MUSK: variants seen among roughly 807,000 people sequenced by gnomAD.
MUSK encodes the protein muscle, skeletal receptor tyrosine-protein kinase.
MUSK carries 55 observed loss-of-function variants against 88.7 expected under a neutral mutation model. That is an observed-to-expected ratio of 0.62 (90% confidence interval 0.50 to 0.78). The LOEUF is 0.78. Ranked by LOEUF, MUSK falls within the 30% of genes least tolerant of loss-of-function variation. MUSK has a pLI of 0.00. For missense variants in MUSK, 1,015 were observed against 1,074.3 expected (o/e 0.94, Z 0.77); for synonymous variants, 387 against 391.9 (o/e 0.99, Z 0.15).
chr9:110,753,859 G>GA (rs141006892), intron 7 of MUSK, among the ~76,000 whole-genome samples: 260 of 147,804 alleles, frequency 1.8e-3, no homozygotes, highest in African/African-American at 4.7e-3. Flanking sequence ...CACTACTACA[G>GA]AAAAAAAAAA....
At chr9:110,711,933 A>G (rs2076676674) in intron 5 of MUSK, among the ~76,000 whole-genome samples, 1 of 152,154 alleles carries the variant, frequency 6.6e-6, no homozygotes, top group African/African-American at 2.4e-5. Flanking sequence ...TAAATTGTAG[A>G]TAACTGGCAG....
intron 6 of MUSK, among the ~76,000 whole-genome samples, chr9:110,737,457 T>C (rs988878220): frequency 2.0e-5 from 3 of 152,084 alleles, no homozygotes; most frequent in Non-Finnish European, 4.4e-5. Flanking sequence ...TCTGAATACA[T>C]TGCTTTTTTG....
intron 6 of MUSK, among the ~76,000 whole-genome samples, chr9:110,738,387 T>G (rs1399477762): frequency 6.6e-6 from 1 of 152,164 alleles, no homozygotes; most frequent in East Asian, 1.9e-4. Context: ...TCTTTGTCAT[T>G]TAAAAATATT....
chr9:110,767,214 T>C (rs1210611307), intron 8 of MUSK, among the ~76,000 whole-genome samples: 1 of 152,230 alleles, frequency 6.6e-6, no homozygotes, highest in East Asian at 1.9e-4. Flanking sequence ...CTGAAGGTGC[T>C]ACTTGGCTCC....
At chr9:110,763,890 G>A (rs1341715447) in intron 8 of MUSK, among the ~76,000 whole-genome samples, 5 of 152,246 alleles carry the variant, frequency 3.3e-5, no homozygotes, top group East Asian at 1.9e-4. Context: ...TGATTCATGC[G>A]TTTCAAAGTA....
chr9:110,682,448 A>G (rs868515323), intron 1 of MUSK, among the ~76,000 whole-genome samples: 2 of 152,064 alleles, frequency 1.3e-5, no homozygotes, highest in South Asian at 2.1e-4. Flanking sequence ...CGTATATCAT[A>G]AACTCTAAGC....
At chr9:110,742,537 G>A (rs1197287414) in intron 6 of MUSK, among the ~76,000 whole-genome samples, 3 of 152,044 alleles carry the variant, frequency 2.0e-5, no homozygotes, top group Non-Finnish European at 4.4e-5. Flanking sequence ...TAAAGAAAAT[G>A]GAAAGGTATA....
At chr9:110,755,626 C>A (rs2077300625) in intron 7 of MUSK, among the ~76,000 whole-genome samples, 1 of 152,042 alleles carries the variant, frequency 6.6e-6, no homozygotes, top group Non-Finnish European at 1.5e-5. Context: ...TCTCCTCTTA[C>A]ATAATTTAAA....
At chr9:110,693,213 C>T (rs1054361122) in intron 3 of MUSK, among the ~76,000 whole-genome samples, 1 of 152,140 alleles carries the variant, frequency 6.6e-6, no homozygotes, top group Non-Finnish European at 1.5e-5. Context: ...TTTGCATATT[C>T]TCTCTGGCCC....
At chr9:110,680,383 C>CTTTTTTTT (rs11461650) in intron 1 of MUSK, among the ~76,000 whole-genome samples, 6 of 141,610 alleles carry the variant, frequency 4.2e-5, no homozygotes, top group African/African-American at 5.2e-5. Flanking sequence ...TTCTTTTTTT[C>CTTTTTTTT]TTTTTTTTTT....
chr9:110,687,367 C>G lies in MUSK; in HGVS notation c.358+99C>G, dbSNP rs554079440. The stretch of plus-strand genomic sequence containing the variant: ...ATTTTTTTTTTGAGACAGAGTCTCA[C>G]TCTGTTGCTCAGGCTGGAGTGCAGT... On this transcript the variant is annotated intron_variant, in intron 3 of 14. Transcript: ENST00000374448. 264 of 1,393,660 alleles carry G rather than the reference C, an allele frequency of 1.9e-4. 1 individual carries two copies. In the African/African-American group the frequency reaches 3.4e-3, roughly 18 times the overall value. The allele number at this position is 1,393,660 out of a possible 1,614,324, so 86.3% of individuals were successfully genotyped here. A position where few individuals can be genotyped will look rare whatever the true frequency, so the allele number is the denominator to read the frequency against.
At chr9:110,680,383 C>CTTTTTT (rs11461650) in intron 1 of MUSK, among the ~76,000 whole-genome samples, 6 of 141,606 alleles carry the variant, frequency 4.2e-5, no homozygotes, top group Admixed American at 1.4e-4. Context: ...TTCTTTTTTT[C>CTTTTTT]TTTTTTTTTT....
chr9:110,769,255 ACTCT>A (rs924545143), intron 9 of MUSK, among the ~76,000 whole-genome samples: 2 of 152,232 alleles, frequency 1.3e-5, no homozygotes, highest in Admixed American at 6.5e-5. Flanking sequence ...ATTTGAGGAC[ACTCT>A]CTATTTAGCA....
In MUSK at chr9:110,747,741, C is replaced by G. The variant is rs368709956; in HGVS notation, c.854C>G (p.Thr285Ser). Residue 285 changes from threonine (T) to serine (S), a missense_variant, in exon 7 of 15, where the codon ACC becomes AGC. Thr to Ser is a moderately conservative substitution (Grantham distance 58). Transcript: ENST00000374448. ...TKPGLYTCIA[T>S]NKHGEKFSTA... ...CCAGGACTCTACACATGCATAGCTACCAATAAGCATGGGGAGAAGTTCAGT... is the reference window on the plus strand; with the variant it reads ...CCAGGACTCTACACATGCATAGCTAGCAATAAGCATGGGGAGAAGTTCAGT... 4.6e-5 allele frequency: 75 copies of G among 1,613,716 alleles called. No individual in the cohort carries two copies. The highest frequency in any genetic ancestry group is 6.2e-5 in the Non-Finnish European group (73 of 1,179,786).
chr9:110,681,139 GGATCGTTATAA>G (rs2076129294), intron 1 of MUSK, among the ~76,000 whole-genome samples: 1 of 30,650 alleles, frequency 3.3e-5, no homozygotes, highest in African/African-American at 1.3e-4. Flanking sequence ...TATATTATAA[GGATCGTTATAA>G]TATATATTAT....
intron 3 of MUSK, among the ~76,000 whole-genome samples, chr9:110,690,234 TTAAG>T (rs1388555631): frequency 8.4e-5 from 5 of 59,754 alleles, no homozygotes; most frequent in African/African-American, 5.0e-4. Context: ...AAATATATAT[TTAAG>T]TATATATAAA....
At chr9:110,765,135 T>C (rs568493063) in intron 8 of MUSK, among the ~76,000 whole-genome samples, 32 of 152,358 alleles carry the variant, frequency 2.1e-4, no homozygotes, top group African/African-American at 7.7e-4. Flanking sequence ...GAAATGTCTA[T>C]TATTTTTAAA....
At chr9:110,746,742 A>T (rs561497073) in intron 6 of MUSK, among the ~76,000 whole-genome samples, 1 of 152,278 alleles carries the variant, frequency 6.6e-6, no homozygotes, top group Non-Finnish European at 1.5e-5. Context: ...AGGAGAAGAG[A>T]GGTCAGGCAG....
intron 5 of MUSK, among the ~76,000 whole-genome samples, chr9:110,730,959 T>G (rs2076955515): frequency 6.6e-6 from 1 of 152,026 alleles, no homozygotes; most frequent in Non-Finnish European, 1.5e-5. Context: ...GTAAACTTAC[T>G]TACACACATC....
Sources: gnomAD v4.1 joint callset for allele counts (sites outside exome capture counted in the v4.1 genomes callset) on GRCh38, gnomAD v4.1.1 for gene constraint, MANE v1.5 for transcripts, NCBI Gene and HGNC (gene_info 2026-07-23, HGNC 2026-07-21) for gene names.